The following TMED8 variants were observed in gnomAD, a reference collection of about 807,000 sequenced individuals.
The protein encoded by TMED8 is transmembrane p24 trafficking protein family member 8.
TMED8 carries 15 observed loss-of-function variants against 32.7 expected under a neutral mutation model. That is an observed-to-expected ratio of 0.46 (90% CI 0.31 to 0.71). The LOEUF is 0.71. Ranked by LOEUF, TMED8 falls within the 30% of genes least tolerant of loss-of-function variation. The pLI, the probability that TMED8 is intolerant of heterozygous loss-of-function variation, is 0.06. For missense variants in TMED8, 390 were observed against 423.9 expected, an observed-to-expected ratio of 0.92 and a Z score of 0.70; for synonymous variants, 147 against 161.4, an observed-to-expected ratio of 0.91 and a Z score of 0.68.
At chr14:77,348,995 G>C (rs1382089801) in intron 2 of TMED8, among the ~76,000 whole-genome samples, 1 of 151,648 alleles carries the variant, frequency 6.6e-6, no homozygotes, top group African/African-American at 2.4e-5. Context: ...TTGACACTGT[G>C]TATCATCTGC....
chr14:77,373,528 C>T (rs1208542705), intron 1 of TMED8, among the ~76,000 whole-genome samples: 1 of 152,102 alleles, frequency 6.6e-6, no homozygotes, highest in African/African-American at 2.4e-5. Context: ...CCTTTCCTTC[C>T]TTTTCACCAA....
intron 5 of TMED8, 74 bp downstream of exon 5, chr14:77,343,104 G>A: frequency 1.4e-6 from 2 of 1,472,372 alleles, no homozygotes; most frequent in Non-Finnish European, 1.8e-6. Flanking sequence ...AGGAGGACTG[G>A]TACAACCCAC....
At chr14:77,342,292 G>C (rs1045226699) in intron 5 of TMED8, among the ~76,000 whole-genome samples, 2 of 152,174 alleles carry the variant, frequency 1.3e-5, no homozygotes, top group African/African-American at 2.4e-5. Context: ...AGCCTTCCTA[G>C]CTTCAGAAGT....
intron 1 of TMED8, among the ~76,000 whole-genome samples, chr14:77,368,177 G>A (rs1193017897): frequency 1.3e-5 from 2 of 152,184 alleles, no homozygotes; most frequent in Non-Finnish European, 2.9e-5. Context: ...AATGGAAACG[G>A]TTAAGTCATA....
In TMED8 at chr14:77,337,120, T is replaced by C. The variant is rs551691621; in HGVS notation, c.*4651A>G. 2.0e-5 allele frequency: 3 copies of C among 152,276 alleles called. No homozygotes were observed. The highest frequency in any genetic ancestry group is 7.2e-5 in the African/African-American group (3 of 41,558). 9.4% of individuals were successfully genotyped at this position (152,276 alleles called of 1,614,324 possible). ...TTTTAAAGTGCATGTATCAATTCAT[T>C]AAGAAAAAAATAACTAAGAATGGTC... On this transcript the variant is annotated 3_prime_UTR_variant, in exon 6 of 6. Coordinates refer to ENST00000216468, the MANE Select transcript of TMED8 (RefSeq NM_213601.3).
Position 77,338,949 on chromosome 14 carries a change from C to T in TMED8, c.*2822G>A, listed in dbSNP as rs1429692572. ...CAGTCACTATAGAGAATTCCAATCT[C>T]TCTCCTACTATGAAGCACTTTCTTT... On this transcript the variant is annotated 3_prime_UTR_variant, in exon 6 of 6. Coordinates refer to ENST00000216468, the MANE Select transcript of TMED8 (RefSeq NM_213601.3). 6.6e-6 allele frequency: 1 copy of T among 152,216 alleles called. No homozygotes were observed. The highest frequency in any genetic ancestry group is 1.5e-5 in the Non-Finnish European group (1 of 68,038). The allele number at this position is 152,216 out of a possible 1,614,324, so 9.4% of individuals were successfully genotyped here. A position where few individuals can be genotyped will look rare whatever the true frequency, so the allele number is the denominator to read the frequency against.
rs1208883622 is a variant in TMED8 at position 77,340,629 on chromosome 14, T to C, written c.*1142A>G. ...TCAGGGGTGACACAGTAGGAAATGC[T>C]GTCACCAGGGAAATGCAAGCTTTGG... is the stretch of plus-strand genomic sequence containing the variant. On this transcript the variant is annotated 3_prime_UTR_variant, in exon 6 of 6. Coordinates refer to ENST00000216468, the MANE Select transcript of TMED8 (RefSeq NM_213601.3). 3 of 152,236 alleles carry C rather than the reference T, an allele frequency of 2.0e-5. No individual in the cohort carries two copies. Among genetic ancestry groups the C allele is most frequent in the Non-Finnish European group, 4.4e-5 (3 of 68,062 alleles). 9.4% of individuals were successfully genotyped at this position (152,236 alleles called of 1,614,324 possible). A position where few individuals can be genotyped will look rare whatever the true frequency, so the allele number is the denominator to read the frequency against.
chr14:77,358,181 TCAC>T (rs1462284645), intron 1 of TMED8, among the ~76,000 whole-genome samples: 3 of 145,346 alleles, frequency 2.1e-5, no homozygotes, highest in African/African-American at 7.7e-5. Flanking sequence ...ATGTAATATA[TCAC>T]ACACACACAC....
At chr14:77,358,455 C>T (rs560338954) in intron 1 of TMED8, among the ~76,000 whole-genome samples, 21 of 152,196 alleles carry the variant, frequency 1.4e-4, no homozygotes, top group Admixed American at 8.5e-4. Context: ...CATGCCACCA[C>T]GCCCAGCTAA....
intron 1 of TMED8, among the ~76,000 whole-genome samples, chr14:77,355,354 C>T (rs1893269746): frequency 6.6e-6 from 1 of 151,962 alleles, no homozygotes; most frequent in African/African-American, 2.4e-5. Context: ...ACCACCACAC[C>T]CGGCTAATTT....
At chr14:77,364,923 G>A (rs116881909) in intron 1 of TMED8, among the ~76,000 whole-genome samples, 19 of 152,176 alleles carry the variant, frequency 1.2e-4, no homozygotes, top group Non-Finnish European at 1.9e-4. Flanking sequence ...GATAGAACAC[G>A]ATGAAACACT....
intron 3 of TMED8, among the ~76,000 whole-genome samples, chr14:77,345,493 C>A (rs1893003779): frequency 6.6e-6 from 1 of 151,926 alleles, no homozygotes; most frequent in African/African-American, 2.4e-5. Flanking sequence ...ACAACCCCAT[C>A]CCGCCCCCAT....
intron 2 of TMED8, 47 bp from the exon 3 acceptor site, chr14:77,346,525 C>T (rs1050797177): frequency 1.9e-6 from 3 of 1,608,986 alleles, no homozygotes; most frequent in African/African-American, 2.7e-5. Flanking sequence ...TTTGAAAAGA[C>T]TCAATCATCC....
Position 77,351,741 on chromosome 14 carries a change from A to G in TMED8, c.129T>C (p.Asp43=), listed in dbSNP as rs1256992253. 2 of 1,612,730 alleles carry G rather than the reference A, an allele frequency of 1.2e-6. No individual in the cohort carries two copies. Among genetic ancestry groups the G allele is most frequent in the Admixed American group, 3.3e-5 (2 of 59,850 alleles). The change falls in exon 2 of 6, where the codon GAT becomes GAC. Residue 43 remains aspartate (D), a synonymous_variant. Transcript: ENST00000216468. ...ATAAAGAGGTATCCTTGTTTTCTAGATCTTCATTCTCTAGAAAACCATAGA... is the reference window on the plus strand; with the variant it reads ...ATAAAGAGGTATCCTTGTTTTCTAGGTCTTCATTCTCTAGAAAACCATAGA... The part of the protein sequence containing the change: ...GSQAAASENE[D]LENKDTSLLA...
intron 1 of TMED8, chr14:77,359,376 A>T (rs577957285): frequency 2.2e-4 from 46 of 212,022 alleles, no homozygotes; most frequent in Non-Finnish European, 2.1e-4. Flanking sequence ...TTTATCCTTT[A>T]TAATAAACAC....
At chr14:77,375,093 T>A (rs1052321079) in intron 1 of TMED8, among the ~76,000 whole-genome samples, 5 of 152,162 alleles carry the variant, frequency 3.3e-5, no homozygotes, top group African/African-American at 1.2e-4. Context: ...AAAATATAAA[T>A]TTTTTTCCAC....
rs751435359 is a variant in TMED8, at chr14:77,341,920, T to G, written c.829A>C (p.Met277Leu). Residue 277 changes from methionine (M) to leucine (L), a missense_variant, in exon 6 of 6, where the codon ATG (methionine) becomes CTG (leucine). By Grantham distance (15) the Met-to-Leu change is conservative (BLOSUM62 2). Transcript: ENST00000216468. ...SSLRGRYGEV[M>L]PVYRRDSHRD... is the part of the protein sequence containing the mutation. ...TGGCTGTCCCGCCGGTACACAGGCA[T>G]GACCTCCCCATAGCGACCCCGCAAG... 48 of 1,613,930 alleles carry G rather than the reference T, an allele frequency of 3.0e-5. No individual in the cohort carries two copies. Among genetic ancestry groups the G allele is most frequent in the Non-Finnish European group, 3.9e-5 (46 of 1,180,000 alleles).
rs1310360003 is a variant in TMED8, at chr14:77,338,245, T to G, written c.*3526A>C. On this transcript the variant is annotated 3_prime_UTR_variant, in exon 6 of 6. Coordinates refer to ENST00000216468, the MANE Select transcript of TMED8 (RefSeq NM_213601.3). ...GAAATTTACCCCCCAATATATTTAT[T>G]TGACGTATTTTGAAATGGCCCTACA... The G allele has an allele frequency of 6.6e-6, 1 of 152,214 alleles. No individual in the cohort carries two copies. The highest frequency in any genetic ancestry group is 2.4e-5 in the African/African-American group (1 of 41,448). The allele number at this position is 152,214 out of a possible 1,614,324, so 9.4% of individuals were successfully genotyped here.
intron 1 of TMED8, 147 bp from the exon 2 acceptor site, chr14:77,351,898 C>A (rs543570556): frequency 1.0e-4 from 56 of 535,204 alleles, no homozygotes; most frequent in African/African-American, 9.4e-4. Context: ...AGGCCCAACA[C>A]ATAAATTATT....
Sources: allele counts gnomAD v4.1 joint callset (sites outside exome capture counted in the v4.1 genomes callset), GRCh38; gene constraint gnomAD v4.1.1; transcripts MANE v1.5; gene names NCBI Gene and HGNC (gene_info 2026-07-23, HGNC 2026-07-21).